The following BABAM2 variants were observed in gnomAD, a reference collection of about 807,000 sequenced individuals.
The protein encoded by BABAM2 is BRISC and BRCA1 A complex member 2.
In BABAM2, 31 loss-of-function variants were observed where a neutral mutation model predicts 54.7. The ratio of observed to expected loss-of-function variants is 0.57; its 90% confidence interval spans 0.43 to 0.77. The LOEUF is 0.77. Ranked by LOEUF, BABAM2 falls within the 30% of genes least tolerant of loss-of-function variation. The probability of loss-of-function intolerance (pLI) is 0.00; values close to 1 mark genes in which losing one functional copy is unlikely to be tolerated. For missense variants in BABAM2, 364 were observed against 455.8 expected, an observed-to-expected ratio of 0.80 and a Z score of 1.83; for synonymous variants, 167 against 162.9, an observed-to-expected ratio of 1.03 and a Z score of -0.19.
At chr2:28,324,218 A>G (rs991007006) in intron 11 of BABAM2, among the ~76,000 whole-genome samples, 2 of 152,222 alleles carry the variant, frequency 1.3e-5, no homozygotes, top group East Asian at 1.9e-4. Flanking sequence ...TACAGCCACA[A>G]TGAGGTTTGG....
At chr2:28,208,382 C>T (rs2147978462) in intron 7 of BABAM2, among the ~76,000 whole-genome samples, 1 of 152,150 alleles carries the variant, frequency 6.6e-6, no homozygotes, top group South Asian at 2.1e-4. Flanking sequence ...GTTTTGAGAC[C>T]TTTAAATTTT....
intron 7 of BABAM2, among the ~76,000 whole-genome samples, chr2:28,192,253 C>G (rs533802405): frequency 7.9e-5 from 12 of 152,184 alleles, no homozygotes; most frequent in Non-Finnish European, 1.2e-4. Flanking sequence ...CCAGGATGGT[C>G]TTGATCTCCT....
intron 6 of BABAM2, among the ~76,000 whole-genome samples, chr2:28,125,434 C>T (rs1573631329): frequency 6.6e-6 from 1 of 152,012 alleles, no homozygotes. Context: ...GCTGGGATTA[C>T]AGGCATGTGC....
intron 7 of BABAM2, among the ~76,000 whole-genome samples, chr2:28,141,458 G>C (rs1448487135): frequency 6.6e-6 from 1 of 152,104 alleles, no homozygotes; most frequent in Non-Finnish European, 1.5e-5. Flanking sequence ...GCTCTCGATA[G>C]CTAACATAAT....
At chr2:28,098,226 G>C (rs994335043) in intron 6 of BABAM2, among the ~76,000 whole-genome samples, 5 of 152,120 alleles carry the variant, frequency 3.3e-5, no homozygotes, top group African/African-American at 1.2e-4. Context: ...TAATTCTGCT[G>C]TCAGACTTTA....
chr2:28,337,388 G>A (rs1188486873), intron 11 of BABAM2, among the ~76,000 whole-genome samples: 7 of 152,192 alleles, frequency 4.6e-5, no homozygotes, highest in South Asian at 2.1e-4. Context: ...CCATGTGTCC[G>A]TCTCCTCCAC....
chr2:28,075,763 T>A (rs1664606227), intron 6 of BABAM2, among the ~76,000 whole-genome samples: 1 of 152,194 alleles, frequency 6.6e-6, no homozygotes, highest in African/African-American at 2.4e-5. Flanking sequence ...CTAATTCAAA[T>A]GCTTTTTAGA....
At chr2:28,319,260 C>A (rs1689820120) in intron 11 of BABAM2, among the ~76,000 whole-genome samples, 1 of 152,222 alleles carries the variant, frequency 6.6e-6, no homozygotes, top group African/African-American at 2.4e-5. Flanking sequence ...CCAGTAAGAA[C>A]CTTTGTGCAA....
At chr2:28,181,121 A>G (rs1481275794) in intron 7 of BABAM2, among the ~76,000 whole-genome samples, 1 of 152,186 alleles carries the variant, frequency 6.6e-6, no homozygotes, top group Non-Finnish European at 1.5e-5. Context: ...ATTTATCCAA[A>G]GGAAAGGAAA....
intron 10 of BABAM2, among the ~76,000 whole-genome samples, chr2:28,278,257 A>C (rs1210454620): frequency 6.6e-6 from 1 of 152,196 alleles, no homozygotes; most frequent in Non-Finnish European, 1.5e-5. Context: ...TTATACTGTA[A>C]GTCCAATGGC....
intron 2 of BABAM2, among the ~76,000 whole-genome samples, chr2:27,909,127 C>T (rs1298897929): frequency 6.6e-6 from 1 of 152,116 alleles, no homozygotes; most frequent in African/African-American, 2.4e-5. Context: ...ACTGTGCAGC[C>T]TCCACCTCCT....
chr2:28,151,562 C>A lies in BABAM2; in HGVS notation c.680+22182C>A, dbSNP rs558219597. 2.6e-5 allele frequency among the ~76,000 whole-genome samples: 4 copies of A among 151,800 alleles called. No individual in the cohort carries two copies. In the South Asian group the frequency reaches 8.3e-4, roughly 32 times the overall value. On this transcript the variant is annotated intron_variant, in intron 7 of 11. Coordinates refer to ENST00000379624, the MANE Select transcript of BABAM2 (RefSeq NM_199191.3). ...TGCACTCCAGCCTTGGCGACAAGAG[C>A]AAAACTCCATCTCAAAAAAAAGAAA... is the stretch of plus-strand genomic sequence containing the variant.
chr2:28,049,327 C>T (rs756068288), intron 6 of BABAM2, among the ~76,000 whole-genome samples: 19 of 152,086 alleles, frequency 1.2e-4, no homozygotes, highest in East Asian at 3.9e-4. Flanking sequence ...CAAATATAAC[C>T]GTGCAAAGAA....
intron 7 of BABAM2, among the ~76,000 whole-genome samples, chr2:28,190,483 T>G (rs1376704887): frequency 5.9e-5 from 9 of 152,152 alleles, no homozygotes; most frequent in Admixed American, 2.6e-4. Flanking sequence ...GGTTGGGAGT[T>G]CGAGACCAGC....
chr2:28,247,414 G>T (rs1011350325), intron 10 of BABAM2, among the ~76,000 whole-genome samples: 2 of 152,132 alleles, frequency 1.3e-5, no homozygotes, highest in African/African-American at 2.4e-5. Context: ...ACTTAGTCAT[G>T]CAGTTAAGCA....
chr2:28,223,725 C>A (rs1680616387), intron 7 of BABAM2, among the ~76,000 whole-genome samples: 1 of 152,184 alleles, frequency 6.6e-6, no homozygotes, highest in African/African-American at 2.4e-5. Flanking sequence ...TAACTGAGGT[C>A]TTTAACTTCT....
intron 6 of BABAM2, among the ~76,000 whole-genome samples, chr2:28,069,024 A>G (rs931371192): frequency 1.3e-5 from 2 of 152,204 alleles, no homozygotes; most frequent in Non-Finnish European, 2.9e-5. Context: ...TGGCAAACTG[A>G]ATAAAGATAG....
At chr2:28,268,723 G>T (rs952116593) in intron 10 of BABAM2, among the ~76,000 whole-genome samples, 2 of 152,184 alleles carry the variant, frequency 1.3e-5, no homozygotes, top group African/African-American at 4.8e-5. Context: ...GCCGGCCCCC[G>T]TTGTTTGGAT....
At position 28,016,472 on chromosome 2, in the gene BABAM2, C is replaced by T. The variant is rs1674822991; in HGVS notation, c.301-8754C>T. 1.6e-5 allele frequency: 20 copies of T among 1,226,278 alleles called. No individual in the cohort carries two copies. In the South Asian group the frequency reaches 2.0e-4, roughly 13 times the overall value. The allele number at this position is 1,226,278 out of a possible 1,614,324, so 76.0% of individuals were successfully genotyped here. On this transcript the variant is annotated intron_variant, in intron 4 of 11. Transcript: ENST00000379624. ...GTTCATATAGGCTACCCATTTGTCC[C>T]ACTTGCCCATGGTGCTGGGCTGAGC...
Sources: allele counts gnomAD v4.1 joint callset (sites outside exome capture counted in the v4.1 genomes callset), GRCh38; gene constraint gnomAD v4.1.1; transcripts MANE v1.5; gene names NCBI Gene and HGNC (gene_info 2026-07-23, HGNC 2026-07-21).